The following ITGA2 variants were observed in gnomAD, a reference collection of about 807,000 sequenced individuals.
ITGA2 encodes integrin alpha-2.
Under a neutral mutation model 146.3 loss-of-function variants are expected in ITGA2, and 101 were observed. The ratio of observed to expected loss-of-function variants is 0.69; its 90% CI spans 0.59 to 0.81. The LOEUF is 0.81. Ranked by LOEUF, ITGA2 falls within the 40% of genes least tolerant of loss-of-function variation. The pLI is 0.00. For missense variants in ITGA2, 1,281 were observed against 1,402.7 expected (o/e 0.91, Z 1.39); for synonymous variants, 477 against 487.1 (o/e 0.98, Z 0.27).
In ITGA2 at chr5:53,074,909, A is replaced by G. The variant is rs181989933; in HGVS notation, c.2665-152A>G. ...GAGGCATAGTAAAACAAGGTGGACA[A>G]ATAAAGATATTCCACAAATTTGAAA... On this transcript the variant is annotated intron_variant, in intron 21 of 29. Transcript: ENST00000296585. The G allele has an allele frequency of 2.9e-4, 188 of 645,760 alleles. 2 individuals carry two copies. In the East Asian group the frequency reaches 4.9e-3, roughly 17 times the overall value. 40.0% of individuals were successfully genotyped at this position (645,760 alleles called of 1,614,324 possible).
intron 1 of ITGA2, among the ~76,000 whole-genome samples, chr5:53,004,281 G>A (rs1332358671): frequency 6.6e-6 from 1 of 152,138 alleles, no homozygotes; most frequent in Non-Finnish European, 1.5e-5. Context: ...TGGAGAGTAA[G>A]TTAAATCCCA....
At chr5:53,047,148 T>G (rs550049459) in intron 4 of ITGA2, among the ~76,000 whole-genome samples, 1 of 152,230 alleles carries the variant, frequency 6.6e-6, no homozygotes, top group African/African-American at 2.4e-5. Flanking sequence ...GCTTCCCCTT[T>G]GACAGTTAAA....
chr5:53,075,745 T>TA (rs1386454075), intron 23 of ITGA2, among the ~76,000 whole-genome samples: 2 of 151,984 alleles, frequency 1.3e-5, no homozygotes, highest in East Asian at 3.9e-4. Flanking sequence ...TTGCACAGAG[T>TA]AGGTCCACAA....
In ITGA2 at chr5:53,090,607, G is replaced by A. The variant is rs1372672492; in HGVS notation, c.*8G>A. ...ACAGAGCTCAGTAGCTGAACCAGCA[G>A]ACCTACCTGCAGTGGGAACCGGCAG... On this transcript the variant is annotated 3_prime_UTR_variant, in exon 30 of 30. Transcript: ENST00000296585. 6.2e-7 allele frequency: 1 copy of A among 1,611,384 alleles called. No individual in the cohort carries two copies.
chr5:53,076,644 A>T (rs144018022), intron 23 of ITGA2, among the ~76,000 whole-genome samples: 2 of 152,080 alleles, frequency 1.3e-5, no homozygotes, highest in African/African-American at 4.8e-5. Flanking sequence ...TTTTTTGTCA[A>T]TACAGTCTTT....
rs1359154964 is a variant in ITGA2, at chr5:53,080,554, T to C, written c.2972T>C (p.Ile991Thr). ...CCAGTAAGCATGGCAACTGTAATCA[T>C]CCACATCCCTCAGTATACCAAAGAA... ...SVPVSMATVI[I>T]HIPQYTKEKN... The change falls in exon 25 of 30, where the codon ATC (isoleucine) becomes ACC (threonine). Residue 991 changes from isoleucine (I) to threonine (T), a missense_variant. Physicochemically the swap from Ile to Thr is moderately conservative, Grantham distance 89 (BLOSUM62 -1). Around this residue, in one of 3 missense-constraint regions of ITGA2, gnomAD observed 475 missense variants for 530.5 expected, o/e 0.90. Coordinates refer to ENST00000296585, the MANE Select transcript of ITGA2 (RefSeq NM_002203.4). The C allele has an allele frequency of 6.2e-7, 1 of 1,613,718 alleles. No homozygotes were observed. The highest frequency in any genetic ancestry group is 8.5e-7 in the Non-Finnish European group (1 of 1,179,750).
In ITGA2 at chr5:53,064,076, C is replaced by T. The variant is rs189561627; in HGVS notation, c.1603-836C>T. On this transcript the variant is annotated intron_variant, in intron 13 of 29. Transcript: ENST00000296585. ...AAAAAAACTGTGTTTTACAAGGAAA[C>T]GTCTTTTCCTTTGCACAGAATTATT... Among the ~76,000 whole-genome samples the T allele has an allele frequency of 8.7e-4, 132 of 151,926 alleles. 1 individual carries two copies. Among genetic ancestry groups the T allele is most frequent in the East Asian group, 7.8e-4 (4 of 5,140 alleles).
chr5:53,040,031 A>G (rs1335682889), intron 2 of ITGA2, among the ~76,000 whole-genome samples: 2 of 151,958 alleles, frequency 1.3e-5, no homozygotes, highest in Non-Finnish European at 2.9e-5. Flanking sequence ...CTATGTAGGT[A>G]CTTAGGGTTA....
At position 53,026,744 on chromosome 5, in the gene ITGA2, A is replaced by AT. The variant is rs1403004337; in HGVS notation, c.65-3dup. ...TATGTGCTATTTCATATTTTTCTTA[A>AT]TAGGCATTTTAAATTGTTGTTTGGC... On this transcript the variant is annotated splice_polypyrimidine_tract_variant and splice_region_variant and intron_variant, in intron 1 of 29. Transcript: ENST00000296585. 2 of 1,607,102 alleles carry AT rather than the reference A, an allele frequency of 1.2e-6. No individual in the cohort carries two copies. The highest frequency in any genetic ancestry group is 3.3e-5 in the Admixed American group (2 of 59,988).
At chr5:52,994,045 A>G (rs939381867) in intron 1 of ITGA2, among the ~76,000 whole-genome samples, 8 of 152,194 alleles carry the variant, frequency 5.3e-5, no homozygotes. Context: ...ATCATGAGAC[A>G]ATAGACTCTG....
Position 53,004,275 on chromosome 5 carries a change from G to T in ITGA2, c.64+14743G>T, listed in dbSNP as rs549938820. On this transcript the variant is annotated intron_variant, in intron 1 of 29. Coordinates refer to ENST00000296585, the MANE Select transcript of ITGA2 (RefSeq NM_002203.4). ...CATAAAAGAGAACTCCAACTCTGGA[G>T]AGTAAGTTAAATCCCATCATTTTTC... 2.6e-5 allele frequency among the ~76,000 whole-genome samples: 4 copies of T among 152,294 alleles called. No individual in the cohort carries two copies. The South Asian group carries it at 8.3e-4, about 32-fold the overall frequency.
In ITGA2 at chr5:53,094,495, T is replaced by C. The variant is rs1481069060; in HGVS notation, c.*3896T>C. ...TTTTCCTTTATACATAATAGATAAG[T>C]CTTTTTTCAAATGTGGTGTTTGATG... On this transcript the variant is annotated 3_prime_UTR_variant, in exon 30 of 30. Transcript: ENST00000296585. 1 of 152,220 alleles carries C rather than the reference T, an allele frequency of 6.6e-6. No individual in the cohort carries two copies. The highest frequency in any genetic ancestry group is 6.5e-5 in the Admixed American group (1 of 15,286). The allele number at this position is 152,220 out of a possible 1,614,324, so 9.4% of individuals were successfully genotyped here. A position where few individuals can be genotyped will look rare whatever the true frequency, so the allele number is the denominator to read the frequency against.
chr5:53,033,961 C>T (rs1221756836), intron 2 of ITGA2, among the ~76,000 whole-genome samples: 1 of 152,040 alleles, frequency 6.6e-6, no homozygotes, highest in African/African-American at 2.4e-5. Flanking sequence ...CACGAGGTTT[C>T]ACCGTGTTGG....
chr5:53,053,601 T>TG (rs1387740963), intron 7 of ITGA2, among the ~76,000 whole-genome samples: 2 of 152,156 alleles, frequency 1.3e-5, no homozygotes, highest in Non-Finnish European at 2.9e-5. Flanking sequence ...AGGAAGGACT[T>TG]GCCTGGCTTT....
chr5:53,083,886 C>G (rs544117965), intron 27 of ITGA2, among the ~76,000 whole-genome samples: 1 of 152,192 alleles, frequency 6.6e-6, no homozygotes, highest in Non-Finnish European at 1.5e-5. Flanking sequence ...TGATTGATCT[C>G]AAACCACCTA....
intron 27 of ITGA2, among the ~76,000 whole-genome samples, chr5:53,084,532 G>GA (rs1331757847): frequency 6.6e-6 from 1 of 152,188 alleles, no homozygotes; most frequent in Non-Finnish European, 1.5e-5. Context: ...ACAAAATGCA[G>GA]AATTGGGGGA....
chr5:53,003,202 T>G (rs1176034959), intron 1 of ITGA2, among the ~76,000 whole-genome samples: 2 of 152,174 alleles, frequency 1.3e-5, no homozygotes, highest in Non-Finnish European at 2.9e-5. Context: ...CAATCCATTT[T>G]CACTTGAGGC....
intron 7 of ITGA2, among the ~76,000 whole-genome samples, chr5:53,054,819 A>G (rs1304191804): frequency 6.6e-6 from 1 of 152,130 alleles, no homozygotes; most frequent in Non-Finnish European, 1.5e-5. Flanking sequence ...ATAAAAGACT[A>G]CAAATTGGAT....
At chr5:53,029,159 C>G in intron 2 of ITGA2, among the ~76,000 whole-genome samples, 1 of 152,162 alleles carries the variant, frequency 6.6e-6, no homozygotes, top group African/African-American at 2.4e-5. Context: ...GTAATCCCAG[C>G]TACTCCAGAG....
Sources: allele counts gnomAD v4.1 joint callset (sites outside exome capture counted in the v4.1 genomes callset), GRCh38; gene constraint gnomAD v4.1.1; regional missense constraint gnomAD v4.1.1; transcripts MANE v1.5; gene names NCBI Gene and HGNC (gene_info 2026-07-23, HGNC 2026-07-21).